The following DOCK2 variants were observed in gnomAD, a reference collection of about 807,000 sequenced individuals.
The protein encoded by DOCK2 is dedicator of cytokinesis 2, also known as dedicator of cytokinesis protein 2.
Under a neutral mutation model 248.9 loss-of-function variants are expected in DOCK2, and 87 were observed. The observed-to-expected ratio is 0.35, with a 90% CI of 0.29 to 0.42. The LOEUF is 0.42. Among genes scored for constraint, DOCK2 ranks in the 10% least tolerant of loss-of-function variants. The pLI is 1.00. For missense variants in DOCK2, 1,747 were observed against 2,300.2 expected, an observed-to-expected ratio of 0.76 and a Z score of 4.92; for synonymous variants, 805 against 821.6, an observed-to-expected ratio of 0.98 and a Z score of 0.35.
intron 49 of DOCK2, 45 bp from the exon 50 acceptor site, chr5:170,080,118 C>T (rs768064226): frequency 1.2e-6 from 2 of 1,608,110 alleles, no homozygotes; most frequent in Non-Finnish European, 1.7e-6. Context: ...CATGCTAAGC[C>T]TCTGTCTTTG....
At chr5:170,035,921 T>G (rs912634887) in intron 35 of DOCK2, among the ~76,000 whole-genome samples, 1 of 152,136 alleles carries the variant, frequency 6.6e-6, no homozygotes, top group Middle Eastern at 3.2e-3. Flanking sequence ...TGCCACAGGA[T>G]TAGGATCTCT....
chr5:169,992,576 T>G (rs1207666710), intron 29 of DOCK2, among the ~76,000 whole-genome samples: 2 of 152,138 alleles, frequency 1.3e-5, no homozygotes, highest in East Asian at 3.9e-4. Flanking sequence ...GCAATTCTCC[T>G]GCCTCAGCCT....
At chr5:170,035,522 A>G (rs1288920577) in intron 35 of DOCK2, among the ~76,000 whole-genome samples, 1 of 152,216 alleles carries the variant, frequency 6.6e-6, no homozygotes, top group Non-Finnish European at 1.5e-5. Flanking sequence ...TTACATAAAG[A>G]TCATGAAGAG....
intron 14 of DOCK2, among the ~76,000 whole-genome samples, chr5:169,706,023 C>T (rs748447797): frequency 1.3e-5 from 2 of 152,204 alleles, no homozygotes; most frequent in African/African-American, 2.4e-5. Context: ...TGTATATTTT[C>T]CCTAGAACTG....
At chr5:169,888,514 C>T (rs2113529205) in intron 27 of DOCK2, among the ~76,000 whole-genome samples, 2 of 152,270 alleles carry the variant, frequency 1.3e-5, no homozygotes, top group Middle Eastern at 3.4e-3. Context: ...AATCAGTGTC[C>T]ATTCAGTAGA....
At chr5:169,642,326 C>A (rs1194066363) in intron 1 of DOCK2, among the ~76,000 whole-genome samples, 1 of 152,212 alleles carries the variant, frequency 6.6e-6, no homozygotes, top group African/African-American at 2.4e-5. Flanking sequence ...TGGCCCCTAT[C>A]CTTCTGGAGC....
rs34726439 is a variant in DOCK2 at position 170,015,567 on chromosome 5, TTTTGTTTG to T, written c.3233-3377_3233-3370del. Among the ~76,000 whole-genome samples, 30 of 151,076 alleles carry T rather than the reference TTTTGTTTG, an allele frequency of 2.0e-4. No individual in the cohort carries two copies. In the East Asian group the frequency reaches 2.8e-3, roughly 14 times the overall value. ...CCCTTTTGAACTGATTTTAGGTTTT[TTTTGTTTG>T]TTTGTTTGTTTGTTTTTAATCAGCT... On this transcript the variant is annotated intron_variant, in intron 32 of 51. Transcript: ENST00000520908.
chr5:169,755,895 C>T (rs778935767), intron 23 of DOCK2, among the ~76,000 whole-genome samples: 4 of 152,188 alleles, frequency 2.6e-5, no homozygotes, highest in Non-Finnish European at 4.4e-5. Context: ...ACCTCCTGAA[C>T]TTGCCTGTTG....
rs1333574912 is a variant in DOCK2, at chr5:170,083,283, C to T, written c.*425C>T. 1 of 155,884 alleles carries T rather than the reference C, an allele frequency of 6.4e-6. No individual in the cohort carries two copies. Among genetic ancestry groups the T allele is most frequent in the Non-Finnish European group, 1.4e-5 (1 of 70,470 alleles). The allele number at this position is 155,884 out of a possible 1,614,324, so 9.7% of individuals were successfully genotyped here. ...TTTAGATTAACAGTTTTGTACTTTA[C>T]ATTTTTTTATACAACCAACCAGTTT... On this transcript the variant is annotated 3_prime_UTR_variant, in exon 52 of 52. Transcript: ENST00000520908.
At chr5:169,964,924 A>G (rs1777239746) in intron 27 of DOCK2, among the ~76,000 whole-genome samples, 1 of 152,224 alleles carries the variant, frequency 6.6e-6, no homozygotes, top group South Asian at 2.1e-4. Flanking sequence ...GTCGCTCATG[A>G]CTATTATTCT....
intron 46 of DOCK2, among the ~76,000 whole-genome samples, chr5:170,071,307 C>T (rs552588505): frequency 1.1e-3 from 169 of 152,330 alleles, no homozygotes; most frequent in Admixed American, 1.8e-3. Context: ...CTGCTCCCTG[C>T]TCACTTGGAG....
intron 37 of DOCK2, among the ~76,000 whole-genome samples, chr5:170,041,785 T>C (rs1213793458): frequency 6.6e-6 from 1 of 152,248 alleles, no homozygotes; most frequent in African/African-American, 2.4e-5. Flanking sequence ...GGGACATTAG[T>C]GCTGCCTGGA....
chr5:169,855,047 C>G lies in DOCK2; in HGVS notation c.2799+14195C>G, dbSNP rs533495060. On this transcript the variant is annotated intron_variant, in intron 27 of 51. Transcript: ENST00000520908. ...CCCAGGCTCCCAAGCTTGGCAGACC[C>G]TCAAAGAACTCCAGCCTTCACCACC... Among the ~76,000 whole-genome samples the G allele has an allele frequency of 6.6e-5, 10 of 152,286 alleles. No homozygotes were observed. The South Asian group carries it at 8.3e-4, about 13-fold the overall frequency.
intron 27 of DOCK2, among the ~76,000 whole-genome samples, chr5:169,845,295 T>C (rs1178696883): frequency 6.6e-6 from 1 of 151,958 alleles, no homozygotes; most frequent in East Asian, 1.9e-4. Context: ...CCTGCCTCTG[T>C]CCCTTGCCCT....
intron 26 of DOCK2, among the ~76,000 whole-genome samples, chr5:169,815,658 A>G (rs1768024702): frequency 6.6e-6 from 1 of 152,172 alleles, no homozygotes; most frequent in Non-Finnish European, 1.5e-5. Context: ...TTTTAAACAA[A>G]AAAATTGCAT....
At chr5:169,824,535 T>A (rs971096934) in intron 26 of DOCK2, among the ~76,000 whole-genome samples, 1 of 151,414 alleles carries the variant, frequency 6.6e-6, no homozygotes, top group Non-Finnish European at 1.5e-5. Flanking sequence ...GGATTCCCTA[T>A]TTAATAAATG....
intron 27 of DOCK2, among the ~76,000 whole-genome samples, chr5:169,977,628 C>T (rs905624724): frequency 6.6e-6 from 1 of 152,126 alleles, no homozygotes; most frequent in Non-Finnish European, 1.5e-5. Context: ...GCTCCTAAGC[C>T]CCCACTCTCA....
intron 25 of DOCK2, among the ~76,000 whole-genome samples, chr5:169,795,478 G>A (rs1182993139): frequency 6.6e-6 from 1 of 152,134 alleles, no homozygotes; most frequent in Non-Finnish European, 1.5e-5. Context: ...GTTTCTGGGG[G>A]TGAGGCAAGT....
At chr5:169,954,441 T>C (rs1190147142) in intron 27 of DOCK2, among the ~76,000 whole-genome samples, 1 of 152,196 alleles carries the variant, frequency 6.6e-6, no homozygotes, top group Non-Finnish European at 1.5e-5. Flanking sequence ...CCCCAAAAAA[T>C]GTGTTTTCAG....
Sources: gnomAD v4.1 joint callset for allele counts (sites outside exome capture counted in the v4.1 genomes callset) on GRCh38, gnomAD v4.1.1 for gene constraint, MANE v1.5 for transcripts, NCBI Gene and HGNC (gene_info 2026-07-23, HGNC 2026-07-21) for gene names.